Variants in MARCHF1 observed in about 807,000 individuals in gnomAD.
MARCHF1 encodes membrane associated ring-CH-type finger 1.
MARCHF1 carries 40 observed loss-of-function variants against 54.2 expected under a neutral mutation model. The ratio of observed to expected loss-of-function variants is 0.74; its 90% CI spans 0.57 to 0.96. The LOEUF (loss-of-function observed/expected upper bound fraction) is 0.96, where lower values mean the gene tolerates loss of function less well. Ranked by LOEUF, MARCHF1 falls within the 40% of genes least tolerant of loss-of-function variation. MARCHF1 has a pLI of 0.00. For synonymous variants in MARCHF1, 236 were observed against 236.3 expected, an observed-to-expected ratio of 1.00 and a Z score of 0.01; for missense variants, 586 against 656.5, an observed-to-expected ratio of 0.89 and a Z score of 1.17.
At position 163,879,829 on chromosome 4, in the gene MARCHF1, G is replaced by GTA. The variant is rs1310615021; in HGVS notation, c.-38-25661_-38-25660insTA. Among the ~76,000 whole-genome samples, 302 of 151,860 alleles carry GTA rather than the reference G, an allele frequency of 2.0e-3. 1 individual carries two copies. The highest frequency in any genetic ancestry group is 3.4e-3 in the Middle Eastern group (1 of 294). ...CGTGTGTGTGTGTGTGTGTGTGTGTGTGTGTAGCTTTTATAATCCAAAGTT... is the reference window on the plus strand; with the variant it reads ...CGTGTGTGTGTGTGTGTGTGTGTGTGTATGTGTAGCTTTTATAATCCAAAGTT... On this transcript the variant is annotated intron_variant, in intron 3 of 9. Coordinates refer to ENST00000514618, the MANE Select transcript of MARCHF1 (RefSeq NM_001394959.1).
intron 4 of MARCHF1, among the ~76,000 whole-genome samples, chr4:163,781,177 C>T (rs1016321090): frequency 6.6e-6 from 1 of 152,128 alleles, no homozygotes; most frequent in African/African-American, 2.4e-5. Context: ...ACGATGAAAC[C>T]CCGTCTCTAC....
At chr4:163,941,255 G>T (rs141520912) in intron 3 of MARCHF1, among the ~76,000 whole-genome samples, 1 of 152,002 alleles carries the variant, frequency 6.6e-6, no homozygotes, top group Non-Finnish European at 1.5e-5. Context: ...TGAAAAGAAC[G>T]GCAAACTCAG....
At chr4:163,704,212 T>C (rs559661231) in intron 4 of MARCHF1, among the ~76,000 whole-genome samples, 1 of 152,000 alleles carries the variant, frequency 6.6e-6, no homozygotes, top group Non-Finnish European at 1.5e-5. Flanking sequence ...TTTCCCCCCT[T>C]TTTTCAGGTT....
At chr4:164,363,766 C>CGTGTGT (rs113007142) in intron 1 of MARCHF1, among the ~76,000 whole-genome samples, 16 of 150,206 alleles carry the variant, frequency 1.1e-4, no homozygotes, top group East Asian at 3.9e-4. Context: ...ATTAATAAGC[C>CGTGTGT]GTGTGTGTGT....
At chr4:164,379,035 C>T (rs1405652260) in intron 1 of MARCHF1, among the ~76,000 whole-genome samples, 1 of 152,022 alleles carries the variant, frequency 6.6e-6, no homozygotes, top group Non-Finnish European at 1.5e-5. Flanking sequence ...TTTTTATATA[C>T]AATAACTAAA....
Position 163,585,036 on chromosome 4 carries a change from G to A in MARCHF1, c.1191+713C>T, listed in dbSNP as rs544916406. 2.6e-5 allele frequency: 4 copies of A among 152,266 alleles called. No individual in the cohort carries two copies. In the South Asian group the frequency reaches 8.3e-4, roughly 32 times the overall value. 9.4% of individuals were successfully genotyped at this position (152,266 alleles called of 1,614,324 possible). On this transcript the variant is annotated intron_variant, in intron 8 of 9. Transcript: ENST00000514618. ...TTGTCCTTGTTTGTATTGTTTACAA[G>A]CTGTTCTTCGGTGGCTTTGAGTGAG... is the stretch of plus-strand genomic sequence containing the variant.
intron 1 of MARCHF1, among the ~76,000 whole-genome samples, chr4:164,217,047 T>A (rs1731954750): frequency 6.6e-6 from 1 of 152,046 alleles, no homozygotes. Context: ...GAAAAAAAAT[T>A]TAAAAACCTA....
intron 3 of MARCHF1, among the ~76,000 whole-genome samples, chr4:163,872,960 C>T (rs1750203750): frequency 6.6e-6 from 1 of 151,980 alleles, no homozygotes; most frequent in Non-Finnish European, 1.5e-5. Flanking sequence ...AGGAGAATGG[C>T]GTGAACCCTG....
intron 5 of MARCHF1, among the ~76,000 whole-genome samples, chr4:163,684,110 G>T (rs946407011): frequency 2.0e-5 from 3 of 152,164 alleles, no homozygotes; most frequent in African/African-American, 7.2e-5. Flanking sequence ...TTATGACCTT[G>T]CCTTGGGAGC....
At chr4:163,795,376 C>T (rs548879852) in intron 4 of MARCHF1, among the ~76,000 whole-genome samples, 1 of 152,170 alleles carries the variant, frequency 6.6e-6, no homozygotes, top group Non-Finnish European at 1.5e-5. Flanking sequence ...ATTACAGGCG[C>T]ACACCACCAG....
chr4:163,899,685 A>G (rs944292039), intron 3 of MARCHF1, among the ~76,000 whole-genome samples: 5 of 151,860 alleles, frequency 3.3e-5, no homozygotes, highest in African/African-American at 1.2e-4. Context: ...TTACTATTGT[A>G]TCTTGACATC....
At chr4:164,201,742 G>T in intron 1 of MARCHF1, among the ~76,000 whole-genome samples, 1 of 152,104 alleles carries the variant, frequency 6.6e-6, no homozygotes, top group East Asian at 1.9e-4. Flanking sequence ...TCATCTCAAT[G>T]GGGAAGAATA....
chr4:163,664,535 A>C (rs552953006), intron 5 of MARCHF1, among the ~76,000 whole-genome samples: 129 of 152,156 alleles, frequency 8.5e-4, no homozygotes, highest in Non-Finnish European at 1.5e-3. Context: ...CCTACAGAGA[A>C]CTCAGCTGCC....
Position 163,734,936 on chromosome 4 carries a change from T to C in MARCHF1, c.112-34073A>G, listed in dbSNP as rs547124424. On this transcript the variant is annotated intron_variant, in intron 4 of 9. Transcript: ENST00000514618. ...TTTGTTTTAGAAGAACATTTAATGT[T>C]CCTACTATGAGTTCAAAGGTTCTAC... Among the ~76,000 whole-genome samples, 3 of 152,298 alleles carry C rather than the reference T, an allele frequency of 2.0e-5. No homozygotes were observed. In the South Asian group the frequency reaches 6.2e-4, roughly 32 times the overall value.
At position 163,713,583 on chromosome 4, in the gene MARCHF1, C is replaced by A. The variant is rs1339528183; in HGVS notation, c.112-12720G>T. Among the ~76,000 whole-genome samples, 3 of 152,174 alleles carry A rather than the reference C, an allele frequency of 2.0e-5. No homozygotes were observed. The East Asian group carries it at 5.8e-4, about 29-fold the overall frequency. On this transcript the variant is annotated intron_variant, in intron 4 of 9. Coordinates refer to ENST00000514618, the MANE Select transcript of MARCHF1 (RefSeq NM_001394959.1). ...CTTGTATTTTATGTGAACTTTACATCTTGTCTACATACAGCCTGTATGCCA... is the reference window on the plus strand; with the variant it reads ...CTTGTATTTTATGTGAACTTTACATATTGTCTACATACAGCCTGTATGCCA...
intron 4 of MARCHF1, among the ~76,000 whole-genome samples, chr4:163,810,942 G>A (rs911406274): frequency 3.3e-5 from 5 of 151,810 alleles, no homozygotes; most frequent in Non-Finnish European, 7.4e-5. Flanking sequence ...ATGCCAGGGA[G>A]TGGCTGGTGG....
Position 164,349,908 on chromosome 4 carries a change from AC to A in MARCHF1, c.-323+33961del, listed in dbSNP as rs373150581. Reference sequence around the variant, plus strand: ...ATGTAACATAGTGGTTAAAAAACTTACCTTTTGAAGTCAGAAACATGAAAGC... The same window carrying A: ...ATGTAACATAGTGGTTAAAAAACTTACTTTTGAAGTCAGAAACATGAAAGC... On this transcript the variant is annotated intron_variant, in intron 1 of 9. Transcript: ENST00000514618. 6.6e-5 allele frequency among the ~76,000 whole-genome samples: 10 copies of A among 152,300 alleles called. No individual in the cohort carries two copies. In the East Asian group the frequency reaches 1.2e-3, roughly 18 times the overall value.
chr4:164,311,058 A>G (rs898363907), intron 1 of MARCHF1, among the ~76,000 whole-genome samples: 1 of 152,186 alleles, frequency 6.6e-6, no homozygotes, highest in African/African-American at 2.4e-5. Flanking sequence ...CCATTCTAAT[A>G]GCACTCTAAA....
At chr4:164,281,264 A>T (rs1342601747) in intron 1 of MARCHF1, among the ~76,000 whole-genome samples, 1 of 152,188 alleles carries the variant, frequency 6.6e-6, no homozygotes, top group African/African-American at 2.4e-5. Context: ...CTACAAATAC[A>T]TACTGAATAA....
Sources: gnomAD v4.1 joint callset for allele counts (sites outside exome capture counted in the v4.1 genomes callset) on GRCh38, gnomAD v4.1.1 for gene constraint, MANE v1.5 for transcripts, NCBI Gene and HGNC (gene_info 2026-07-23, HGNC 2026-07-21) for gene names.